Variants in PPP1R12B observed in about 807,000 individuals in gnomAD.
The protein encoded by PPP1R12B is protein phosphatase 1 regulatory subunit 12B.
PPP1R12B carries 76 observed loss-of-function variants against 126.1 expected under a neutral mutation model. The observed-to-expected ratio is 0.60, with a 90% CI of 0.50 to 0.73. PPP1R12B has a LOEUF of 0.73. Among genes scored for constraint, PPP1R12B ranks in the 30% least tolerant of loss-of-function variants. PPP1R12B has a pLI of 0.00. For missense variants in PPP1R12B, 1,052 were observed against 1,205.1 expected (o/e 0.87, Z 1.88); for synonymous variants, 356 against 434.7 (o/e 0.82, Z 2.25).
chr1:202,363,950 G>A (rs1270625193), intron 1 of PPP1R12B, among the ~76,000 whole-genome samples: 3 of 151,930 alleles, frequency 2.0e-5, no homozygotes, highest in African/African-American at 7.3e-5. Flanking sequence ...TAGTAGAGAC[G>A]GGTTTCACCA....
At chr1:202,475,736 T>G (rs1336108281) in intron 13 of PPP1R12B, among the ~76,000 whole-genome samples, 1 of 152,168 alleles carries the variant, frequency 6.6e-6, no homozygotes, top group Non-Finnish European at 1.5e-5. Context: ...TCAAATGACA[T>G]CTTGAATTCA....
chr1:202,414,669 C>T (rs996179658), intron 1 of PPP1R12B, among the ~76,000 whole-genome samples: 3 of 152,004 alleles, frequency 2.0e-5, no homozygotes, highest in African/African-American at 7.3e-5. Context: ...TTTTCAAGTC[C>T]GAATAATCAT....
Position 202,427,083 on chromosome 1 carries a change from G to A in PPP1R12B, c.745G>A (p.Asp249Asn), listed in dbSNP as rs1348551901. The A allele has an allele frequency of 1.2e-6, 2 of 1,614,030 alleles. No individual in the cohort carries two copies. Among genetic ancestry groups the A allele is most frequent in the Non-Finnish European group, 1.7e-6 (2 of 1,179,992 alleles). Residue 249 changes from aspartate to asparagine, a missense_variant, in exon 5 of 24, where the codon GAT (aspartate) becomes AAT (asparagine). Physicochemically the swap from Asp to Asn is conservative, Grantham distance 23. Transcript: ENST00000608999. ...CTATGAACTCAATGTTCAGGATTAT[G>A]ATGGCTGGACTCCCCTCCATGCTGC... is the stretch of plus-strand genomic sequence containing the variant. Reference protein sequence around the residue: ...AGYELNVQDYDGWTPLHAAAH... With the variant: ...AGYELNVQDYNGWTPLHAAAH...
At position 202,495,415 on chromosome 1, in the gene PPP1R12B, A is replaced by T. The variant is rs2148857216; in HGVS notation, c.2268A>T (p.Ser756=). ...SSHLLWTNRF[S]VPDSESSETT... ...ACCTGCTATGGACAAATAGATTTTC[A>T]GTCCCTGATTCTGAGAGTTCAGAGA... Residue 756 remains serine (S), a synonymous_variant, in exon 16 of 24, where the codon TCA becomes TCT. Coordinates refer to ENST00000608999, the MANE Select transcript of PPP1R12B (RefSeq NM_002481.4). The T allele has an allele frequency of 6.2e-7, 1 of 1,611,640 alleles. No individual in the cohort carries two copies. The highest frequency in any genetic ancestry group is 1.7e-4 in the Middle Eastern group (1 of 6,046).
At chr1:202,389,367 G>A (rs531770003) in intron 1 of PPP1R12B, among the ~76,000 whole-genome samples, 9 of 152,306 alleles carry the variant, frequency 5.9e-5, no homozygotes, top group South Asian at 2.1e-4. Flanking sequence ...TTAACCGGCC[G>A]GGCGCGGTGG....
intron 1 of PPP1R12B, among the ~76,000 whole-genome samples, chr1:202,363,755 T>C (rs1425533530): frequency 6.6e-6 from 1 of 152,236 alleles, no homozygotes; most frequent in African/African-American, 2.4e-5. Flanking sequence ...TGTGCCATTT[T>C]ATTTTATTCT....
chr1:202,349,134 C>T lies in PPP1R12B; in HGVS notation c.283C>T (p.Leu95=). The change falls in exon 1 of 24, where the codon CTG becomes TTG. Residue 95 remains leucine (L), a synonymous_variant. Coordinates refer to ENST00000608999, the MANE Select transcript of PPP1R12B (RefSeq NM_002481.4). ...GGTCAACGTGGACGGCTTGACAGCC[C>T]TGCACCAGGTAACTCCTTTCTTGGT... ...NTVNVDGLTA[L]HQACIDENLD... The T allele has an allele frequency of 6.2e-7, 1 of 1,613,930 alleles. No homozygotes were observed. Among genetic ancestry groups the T allele is most frequent in the East Asian group, 2.2e-5 (1 of 44,892 alleles).
intron 18 of PPP1R12B, among the ~76,000 whole-genome samples, chr1:202,530,324 G>A (rs1683800004): frequency 6.6e-6 from 1 of 152,018 alleles, no homozygotes; most frequent in Admixed American, 6.6e-5. Flanking sequence ...GGTAAGTGTT[G>A]CCCCTTCCCC....
chr1:202,523,146 G>A (rs1370354091), intron 18 of PPP1R12B, among the ~76,000 whole-genome samples: 1 of 152,170 alleles, frequency 6.6e-6, no homozygotes, highest in Non-Finnish European at 1.5e-5. Context: ...ATACTTATTT[G>A]TCCAATATTT....
At chr1:202,515,411 TGTAG>T (rs1682019397) in intron 18 of PPP1R12B, among the ~76,000 whole-genome samples, 1 of 152,240 alleles carries the variant, frequency 6.6e-6, no homozygotes, top group African/African-American at 2.4e-5. Flanking sequence ...TAAAGGCTTA[TGTAG>T]CTAGAAAATC....
intron 18 of PPP1R12B, among the ~76,000 whole-genome samples, chr1:202,546,623 T>C (rs1228172879): frequency 6.6e-6 from 1 of 151,434 alleles, no homozygotes. Context: ...AAAAAAATAG[T>C]GTGACAAAAT....
intron 1 of PPP1R12B, chr1:202,369,800 CT>C (rs34583269): frequency 0.43 from 64,561 of 148,798 alleles, 14,985 homozygotes; most frequent in East Asian, 0.7. Context: ...ATTGGGCACA[CT>C]TTTTTTTTTT....
chr1:202,384,574 G>A (rs1201102089), intron 1 of PPP1R12B, among the ~76,000 whole-genome samples: 1 of 152,180 alleles, frequency 6.6e-6, no homozygotes, highest in Non-Finnish European at 1.5e-5. Flanking sequence ...GAAAGTGATT[G>A]CTAATGGAAC....
intron 13 of PPP1R12B, among the ~76,000 whole-genome samples, chr1:202,451,477 AG>A (rs1388591325): frequency 6.7e-6 from 1 of 148,326 alleles, no homozygotes; most frequent in African/African-American, 2.5e-5. Context: ...CAGAGAGCAC[AG>A]GGTTGGGGGT....
rs760240105 is a variant in PPP1R12B at position 202,440,770 on chromosome 1, T to C, written c.1523T>C (p.Ile508Thr). ...CGGAAGCTCAACAGCACAAGTGATA[T>C]TGAAGAAAAGGAGAACAGGTAATCC... is the stretch of plus-strand genomic sequence containing the variant. ...APRKLNSTSD[I>T]EEKENRESAV... is the part of the protein sequence containing the mutation. Residue 508 changes from isoleucine (I) to threonine (T), a missense_variant, in exon 11 of 24, where the codon ATT becomes ACT. Coordinates refer to ENST00000608999, the MANE Select transcript of PPP1R12B (RefSeq NM_002481.4). The C allele has an allele frequency of 6.2e-7, 1 of 1,613,896 alleles. No homozygotes were observed. The highest frequency in any genetic ancestry group is 8.5e-7 in the Non-Finnish European group (1 of 1,179,764).
intron 12 of PPP1R12B, 100 bp downstream of exon 12, chr1:202,442,672 A>G (rs1671782423): frequency 8.3e-7 from 1 of 1,202,184 alleles, no homozygotes; most frequent in African/African-American, 1.5e-5. Context: ...CACCGCAGAA[A>G]TGAATCAAAA....
At chr1:202,536,796 T>G (rs1275416935) in intron 18 of PPP1R12B, among the ~76,000 whole-genome samples, 2 of 152,138 alleles carry the variant, frequency 1.3e-5, no homozygotes, top group African/African-American at 4.8e-5. Context: ...TTTAAAACTT[T>G]CTTGTTAAAA....
At chr1:202,391,137 T>C (rs1454821980) in intron 1 of PPP1R12B, among the ~76,000 whole-genome samples, 1 of 152,172 alleles carries the variant, frequency 6.6e-6, no homozygotes, top group Non-Finnish European at 1.5e-5. Flanking sequence ...AAGTGACTTG[T>C]ATCTAGAATA....
intron 18 of PPP1R12B, among the ~76,000 whole-genome samples, chr1:202,538,641 G>A (rs1320356285): frequency 3.3e-5 from 5 of 152,200 alleles, no homozygotes; most frequent in Admixed American, 1.3e-4. Flanking sequence ...AGAGAAAAGA[G>A]GGTTGTTACT....
Sources: allele counts gnomAD v4.1 joint callset (sites outside exome capture counted in the v4.1 genomes callset), GRCh38; gene constraint gnomAD v4.1.1; transcripts MANE v1.5; gene names NCBI Gene and HGNC (gene_info 2026-07-23, HGNC 2026-07-21).